KIAA1217: variants seen among roughly 807,000 people sequenced by gnomAD.
KIAA1217 encodes sickle tail protein homolog.
In KIAA1217, 88 loss-of-function variants were observed where a neutral mutation model predicts 163.9. The observed-to-expected ratio is 0.54, with a 90% confidence interval of 0.45 to 0.64. The LOEUF is 0.64. KIAA1217 is among the 30% of genes least tolerant of loss of function. The pLI, the probability that KIAA1217 is intolerant of heterozygous loss-of-function variation, is 0.00. For synonymous variants in KIAA1217, 903 were observed against 923.1 expected (o/e 0.98, Z 0.39); for missense variants, 2,372 against 2,475.0 (o/e 0.96, Z 0.88).
intron 2 of KIAA1217, among the ~76,000 whole-genome samples, chr10:24,032,809 A>T (rs188671660): frequency 2.4e-4 from 37 of 152,264 alleles, no homozygotes; most frequent in Admixed American, 1.4e-3. Context: ...ATCTCTGGAG[A>T]CCACCCTAAT....
intron 2 of KIAA1217, among the ~76,000 whole-genome samples, chr10:24,278,467 G>T (rs1264591561): frequency 1.3e-5 from 2 of 152,206 alleles, no homozygotes; most frequent in Non-Finnish European, 2.9e-5. Context: ...TACAGAGCTT[G>T]CAGAGTTGTG....
chr10:23,800,346 T>C (rs1836411970), intron 1 of KIAA1217, among the ~76,000 whole-genome samples: 1 of 151,904 alleles, frequency 6.6e-6, no homozygotes, highest in African/African-American at 2.4e-5. Context: ...CAAACATGGG[T>C]GACAAAATAC....
intron 2 of KIAA1217, among the ~76,000 whole-genome samples, chr10:24,166,464 G>C (rs1057091743): frequency 1.3e-5 from 2 of 152,132 alleles, no homozygotes; most frequent in Non-Finnish European, 2.9e-5. Flanking sequence ...GGGGCCAGTC[G>C]TGGTGGCTTA....
intron 2 of KIAA1217, among the ~76,000 whole-genome samples, chr10:24,366,801 T>C (rs1380223746): frequency 6.6e-6 from 1 of 152,210 alleles, no homozygotes; most frequent in African/African-American, 2.4e-5. Context: ...CTCTAGTAAG[T>C]TCCCTGCAGC....
intron 2 of KIAA1217, among the ~76,000 whole-genome samples, chr10:24,312,442 C>T (rs1180405572): frequency 1.3e-5 from 2 of 152,100 alleles, no homozygotes; most frequent in African/African-American, 4.8e-5. Context: ...ATGGTAAAAC[C>T]TCGTCTCTAC....
At chr10:24,091,030 T>C (rs1376219305) in intron 2 of KIAA1217, among the ~76,000 whole-genome samples, 1 of 151,942 alleles carries the variant, frequency 6.6e-6, no homozygotes, top group Non-Finnish European at 1.5e-5. Context: ...ACTTAAAACT[T>C]GTAGCATTTT....
chr10:24,467,796 ATGTGTATGTGTG>A (rs1224356941), intron 5 of KIAA1217, among the ~76,000 whole-genome samples: 7 of 141,288 alleles, frequency 5.0e-5, no homozygotes, highest in Non-Finnish European at 7.6e-5. Context: ...GTATGTGTGT[ATGTGTATGTGTG>A]TGTGTATGTG....
At chr10:24,421,193 A>G (rs1403705660) in intron 3 of KIAA1217, among the ~76,000 whole-genome samples, 1 of 152,090 alleles carries the variant, frequency 6.6e-6, no homozygotes, top group African/African-American at 2.4e-5. Context: ...TTCAGTAGAG[A>G]CAGGGTTTTA....
rs1326637 is a variant in KIAA1217 at position 24,160,809 on chromosome 10, G to T, written c.-170-58817G>T. Among the ~76,000 whole-genome samples the T allele has an allele frequency of 2.7e-3, 406 of 152,318 alleles. 1 individual carries two copies. Among genetic ancestry groups the T allele is most frequent in the Non-Finnish European group, 4.3e-3 (294 of 68,024 alleles). On this transcript the variant is annotated intron_variant, in intron 2 of 18. Transcript: ENST00000376462. ...GACTTGTAAGGATTCTGTCAAAAAT[G>T]TGTAACAGGGATGTATTACTCTTGC...
At chr10:24,102,489 A>T (rs1290396830) in intron 2 of KIAA1217, among the ~76,000 whole-genome samples, 1 of 152,228 alleles carries the variant, frequency 6.6e-6, no homozygotes, top group Non-Finnish European at 1.5e-5. Context: ...AGATTCAATG[A>T]AATCCTAATC....
At chr10:24,321,256 C>T (rs774995895) in intron 2 of KIAA1217, among the ~76,000 whole-genome samples, 3 of 151,868 alleles carry the variant, frequency 2.0e-5, no homozygotes, top group Non-Finnish European at 2.9e-5. Flanking sequence ...GGGATAGGCT[C>T]GGCACAGTGG....
At chr10:24,415,231 C>T (rs1056042906) in intron 3 of KIAA1217, among the ~76,000 whole-genome samples, 3 of 151,578 alleles carry the variant, frequency 2.0e-5, no homozygotes, top group African/African-American at 4.9e-5. Context: ...TCTCCTGCCT[C>T]AGCCTCCTGA....
chr10:24,149,382 C>T (rs960773398), intron 2 of KIAA1217, among the ~76,000 whole-genome samples: 9 of 151,968 alleles, frequency 5.9e-5, no homozygotes, highest in African/African-American at 2.2e-4. Context: ...CGAGTTTCAC[C>T]CATGTTGACC....
At chr10:23,801,832 T>C (rs1278623811) in intron 1 of KIAA1217, among the ~76,000 whole-genome samples, 4 of 152,208 alleles carry the variant, frequency 2.6e-5, no homozygotes. Flanking sequence ...CCTGGTGTTA[T>C]CCATCACACA....
chr10:23,757,105 G>A (rs1306234994), intron 1 of KIAA1217, among the ~76,000 whole-genome samples: 1 of 124,470 alleles, frequency 8.0e-6, no homozygotes, highest in Non-Finnish European at 1.8e-5. Flanking sequence ...ATCACATTTT[G>A]TTTATTTATT....
At chr10:24,217,610 T>C (rs891577722) in intron 1 of KIAA1217, among the ~76,000 whole-genome samples, 3 of 152,174 alleles carry the variant, frequency 2.0e-5, no homozygotes, top group South Asian at 4.1e-4. Context: ...TATATACAGA[T>C]CTTTCTAGGC....
At chr10:24,138,851 T>C (rs1488299193) in intron 2 of KIAA1217, among the ~76,000 whole-genome samples, 1 of 152,178 alleles carries the variant, frequency 6.6e-6, no homozygotes, top group Non-Finnish European at 1.5e-5. Flanking sequence ...TATCAAAGAC[T>C]TCAGTGTCGT....
intron 1 of KIAA1217, chr10:23,877,634 GT>G (rs967098365): frequency 2.6e-5 from 4 of 151,964 alleles, no homozygotes; most frequent in Non-Finnish European, 5.9e-5. Context: ...AATTTTGCCT[GT>G]CAGATATGCA....
At chr10:23,992,656 G>A (rs557152474) in intron 1 of KIAA1217, among the ~76,000 whole-genome samples, 32 of 145,150 alleles carry the variant, frequency 2.2e-4, no homozygotes, top group South Asian at 2.2e-4. Context: ...AAGAAGGAAC[G>A]CATCCCAGCC....
Sources: allele counts gnomAD v4.1 joint callset (sites outside exome capture counted in the v4.1 genomes callset), GRCh38; gene constraint gnomAD v4.1.1; transcripts MANE v1.5; gene names NCBI Gene and HGNC (gene_info 2026-07-23, HGNC 2026-07-21).